Variants in PLEKHG4B observed in about 807,000 individuals in gnomAD.
The protein encoded by PLEKHG4B is pleckstrin homology and RhoGEF domain containing G4B.
PLEKHG4B carries 111 observed loss-of-function variants against 121.3 expected under a neutral mutation model. The ratio of observed to expected loss-of-function variants is 0.92; its 90% CI spans 0.78 to 1.07. The LOEUF is 1.07. Ranked by LOEUF, PLEKHG4B falls within the 50% of genes least tolerant of loss-of-function variation. The pLI, the probability that PLEKHG4B is intolerant of heterozygous loss-of-function variation, is 0.00. For missense variants in PLEKHG4B, 1,831 were observed against 1,757.8 expected (o/e 1.04, Z -0.74); for synonymous variants, 738 against 725.0 (o/e 1.02, Z -0.29).
At position 178,709 on chromosome 5, in the gene PLEKHG4B, T is replaced by G. The variant is rs558896494; in HGVS notation, c.4403-2805T>G. Among the ~76,000 whole-genome samples, 3 of 152,360 alleles carry G rather than the reference T, an allele frequency of 2.0e-5. No individual in the cohort carries two copies. In the South Asian group the frequency reaches 6.2e-4, roughly 32 times the overall value. ...AGAAACAGAGCCTCTTTGATCATAA[T>G]GAAATGCATCTCTTTATTTTTAGCA... is the stretch of plus-strand genomic sequence containing the variant. On this transcript the variant is annotated intron_variant, in intron 18 of 19. Coordinates refer to ENST00000637938, the MANE Select transcript of PLEKHG4B (RefSeq NM_052909.5).
intron 18 of PLEKHG4B, among the ~76,000 whole-genome samples, chr5:181,307 G>A (rs1032813484): frequency 4.6e-5 from 7 of 152,042 alleles, no homozygotes; most frequent in African/African-American, 9.7e-5. Context: ...TTACTGCCTC[G>A]GGCTCCCTGG....
At chr5:136,867 A>G (rs1734999799) in intron 2 of PLEKHG4B, among the ~76,000 whole-genome samples, 1 of 152,186 alleles carries the variant, frequency 6.6e-6, no homozygotes, top group Non-Finnish European at 1.5e-5. Context: ...CACCTACCCA[A>G]AAGAATTGAA....
At chr5:108,583 G>GGTGCAGATGGCTGGTGTAGACAGACTGA in intron 1 of PLEKHG4B, among the ~76,000 whole-genome samples, 1 of 146,386 alleles carries the variant, frequency 6.8e-6, no homozygotes, top group Non-Finnish European at 1.5e-5. Context: ...AGACAGACTG[G>GGTGCAGATGGCTGGTGTAGACAGACTGA]GTGCAGATGG....
chr5:146,867 G>T (rs1418468250), intron 6 of PLEKHG4B, among the ~76,000 whole-genome samples: 2 of 150,440 alleles, frequency 1.3e-5, no homozygotes, highest in African/African-American at 2.5e-5. Context: ...CCTCCTCACT[G>T]TCAGTCCCGC....
At chr5:172,735 C>T (rs924398231) in intron 16 of PLEKHG4B, among the ~76,000 whole-genome samples, 162 bp from the exon 17 acceptor site, 1 of 152,224 alleles carries the variant, frequency 6.6e-6, no homozygotes, top group African/African-American at 2.4e-5. Flanking sequence ...CTCTTTGAAA[C>T]CTTTAACAGC....
At chr5:177,966 T>G (rs1177240472) in intron 18 of PLEKHG4B, among the ~76,000 whole-genome samples, 13 of 146,612 alleles carry the variant, frequency 8.9e-5, no homozygotes, top group African/African-American at 2.9e-4. Context: ...CCTTTTCTGT[T>G]GGGGGAACGT....
intron 2 of PLEKHG4B, among the ~76,000 whole-genome samples, chr5:135,704 T>TATATAC (rs1553985243): frequency 7.7e-5 from 7 of 91,438 alleles, no homozygotes; most frequent in African/African-American, 3.9e-4. Flanking sequence ...TATATATATA[T>TATATAC]ATATATATAT....
rs764003823 is a variant in PLEKHG4B at position 173,990 on chromosome 5, C to T, written c.4294C>T (p.Arg1432Trp). ...LRFEIWFRRRRKSQDTYILQA... is the reference protein window; with the variant it reads ...LRFEIWFRRRWKSQDTYILQA... ...GTTTGAGATTTGGTTTCGCAGGCGG[C>T]GGAAATCTCAGGACACCTACATTCT... Residue 1432 changes from arginine (R) to tryptophan (W), a missense_variant, in exon 18 of 20, where the codon CGG (arginine) becomes TGG (tryptophan). Physicochemically the swap from Arg to Trp is moderately radical, Grantham distance 101. Coordinates refer to ENST00000637938, the MANE Select transcript of PLEKHG4B (RefSeq NM_052909.5). 13 of 1,611,536 alleles carry T rather than the reference C, an allele frequency of 8.1e-6. No individual in the cohort carries two copies. Among genetic ancestry groups the T allele is most frequent in the African/African-American group, 2.7e-5 (2 of 74,568 alleles).
At chr5:148,187 T>A (rs899306608) in intron 6 of PLEKHG4B, among the ~76,000 whole-genome samples, 12 of 151,756 alleles carry the variant, frequency 7.9e-5, no homozygotes, top group African/African-American at 2.9e-4. Flanking sequence ...AATGCCCACT[T>A]CTATTCAACA....
At chr5:163,813 C>T (rs868834324) in intron 13 of PLEKHG4B, among the ~76,000 whole-genome samples, 3 of 152,184 alleles carry the variant, frequency 2.0e-5, no homozygotes, top group South Asian at 2.1e-4. Flanking sequence ...AGTAACTGTG[C>T]GACCAACTCT....
intron 1 of PLEKHG4B, among the ~76,000 whole-genome samples, chr5:106,749 C>A (rs1733985388): frequency 6.6e-6 from 1 of 152,200 alleles, no homozygotes; most frequent in African/African-American, 2.4e-5. Context: ...GCTGCACAGG[C>A]AGGGACAGGA....
chr5:93,303 G>T (rs1168712721), intron 1 of PLEKHG4B, among the ~76,000 whole-genome samples: 1 of 152,118 alleles, frequency 6.6e-6, no homozygotes, highest in African/African-American at 2.4e-5. Flanking sequence ...GGACAAAGGT[G>T]AGTTTTAGCT....
At chr5:146,716 C>A in intron 6 of PLEKHG4B, among the ~76,000 whole-genome samples, 1 of 133,816 alleles carries the variant, frequency 7.5e-6, no homozygotes, top group Non-Finnish European at 1.6e-5. Flanking sequence ...CCTGACCCTG[C>A]GGCCCTCCCT....
rs150973495 is a variant in PLEKHG4B at position 172,795 on chromosome 5, C to T, written c.4051-102C>T. 9.6e-5 allele frequency: 128 copies of T among 1,330,292 alleles called. No individual in the cohort carries two copies. The East Asian group carries it at 1.5e-3, about 16-fold the overall frequency. 82.4% of individuals were successfully genotyped at this position (1,330,292 alleles called of 1,614,324 possible). On this transcript the variant is annotated intron_variant, in intron 16 of 19. Transcript: ENST00000637938. ...TTTTATGGCAGTTTGGCTGCTGTTC[C>T]GTCTTGTCACGAAGCTAACACATTT...
chr5:184,536 T>A lies in PLEKHG4B; in HGVS notation c.*2213T>A, dbSNP rs1286378078. 1.3e-5 allele frequency: 2 copies of A among 152,236 alleles called. No individual in the cohort carries two copies. Among genetic ancestry groups the A allele is most frequent in the Non-Finnish European group, 2.9e-5 (2 of 68,052 alleles). The allele number at this position is 152,236 out of a possible 1,614,324, so 9.4% of individuals were successfully genotyped here. On this transcript the variant is annotated 3_prime_UTR_variant, in exon 20 of 20. Transcript: ENST00000637938. ...ATACACACAGAAACTAAGAGTTTCA[T>A]CCCCAGCAGACCTGCACTACAAGAA...
rs138408122 is a variant in PLEKHG4B at position 173,052 on chromosome 5, C to T, written c.4206C>T (p.Tyr1402=). ...KVEGSHDVYL[Y]KQSFKTAEIG... is the part of the protein sequence containing the mutation. The stretch of plus-strand genomic sequence containing the variant: ...AGGGCAGCCACGACGTCTACCTGTA[C>T]AAGCAGTCCTTCAAGGTAGCACCCG... The change falls in exon 17 of 20, where the codon TAC becomes TAT. Residue 1402 remains tyrosine, a synonymous_variant. Transcript: ENST00000637938. The T allele has an allele frequency of 1.2e-4, 189 of 1,614,088 alleles. No homozygotes were observed. The highest frequency in any genetic ancestry group is 4.7e-4 in the African/African-American group (35 of 75,022).
chr5:181,777 C>A, intron 19 of PLEKHG4B, 102 bp downstream of exon 19: 1 of 1,453,476 alleles, frequency 6.9e-7, no homozygotes, highest in Non-Finnish European at 9.4e-7. Context: ...CACTCGCCCA[C>A]AGAGTGCACC....
chr5:99,860 T>C (rs1209925559), intron 1 of PLEKHG4B, among the ~76,000 whole-genome samples: 1 of 152,146 alleles, frequency 6.6e-6, no homozygotes, highest in Non-Finnish European at 1.5e-5. Context: ...GCTGTGTGTT[T>C]TTCATAAATA....
intron 4 of PLEKHG4B, 54 bp from the exon 5 acceptor site, chr5:143,326 C>T: frequency 4.4e-6 from 7 of 1,607,404 alleles, no homozygotes; most frequent in Non-Finnish European, 5.1e-6. Flanking sequence ...AGACCCAGCT[C>T]ACCACCTTGT....
Sources: gnomAD v4.1 joint callset for allele counts (sites outside exome capture counted in the v4.1 genomes callset) on GRCh38, gnomAD v4.1.1 for gene constraint, MANE v1.5 for transcripts, NCBI Gene and HGNC (gene_info 2026-07-23, HGNC 2026-07-21) for gene names.